PPID: variants seen among roughly 807,000 people sequenced by gnomAD.
The protein encoded by PPID is peptidyl-prolyl cis-trans isomerase D.
A neutral mutation model predicts 48.1 loss-of-function variants in PPID; 47 were observed. The ratio of observed to expected loss-of-function variants is 0.98; its 90% CI spans 0.77 to 1.25. The LOEUF is 1.25. Among genes scored for constraint, PPID ranks in the 50% most tolerant of loss-of-function variants. The pLI, the probability that PPID is intolerant of heterozygous loss-of-function variation, is 0.00. For missense variants in PPID, 429 were observed against 443.5 expected (o/e 0.97, Z 0.29); for synonymous variants, 163 against 148.8 (o/e 1.10, Z -0.69).
intron 6 of PPID, among the ~76,000 whole-genome samples, chr4:158,713,734 G>A (rs1006301956): frequency 6.6e-6 from 1 of 152,032 alleles, no homozygotes; most frequent in Non-Finnish European, 1.5e-5. Context: ...GGTCCTTGGA[G>A]AAACTGCCAT....
intron 4 of PPID, among the ~76,000 whole-genome samples, chr4:158,716,800 A>T (rs1460071169): frequency 6.6e-6 from 1 of 152,138 alleles, no homozygotes; most frequent in Non-Finnish European, 1.5e-5. Context: ...TCTATTAAAA[A>T]TACAGAAAAA....
At chr4:158,717,428 A>G (rs1223515975) in intron 3 of PPID, among the ~76,000 whole-genome samples, 1 of 152,224 alleles carries the variant, frequency 6.6e-6, no homozygotes, top group Non-Finnish European at 1.5e-5. Context: ...TAATCACTTT[A>G]AACTTTAAAA....
At chr4:158,717,328 A>G in intron 3 of PPID, 128 bp from the exon 4 acceptor site, 2 of 651,588 alleles carry the variant, frequency 3.1e-6, no homozygotes, top group Admixed American at 4.2e-5. Context: ...AGATCAAACT[A>G]CTTTTTTTTA....
At chr4:158,715,712 G>A in intron 4 of PPID, 28 bp from the exon 5 acceptor site, 1 of 1,590,210 alleles carries the variant, frequency 6.3e-7, no homozygotes. Context: ...AATTGTAGAA[G>A]TGCACTATCG....
chr4:158,710,738 T>C (rs768152344), intron 8 of PPID, 24 bp downstream of exon 8: 1 of 1,611,372 alleles, frequency 6.2e-7, no homozygotes, highest in African/African-American at 1.3e-5. Flanking sequence ...TTTTAAAAAA[T>C]TAAACATTTG....
chr4:158,714,102 A>C (rs533195669), intron 6 of PPID, among the ~76,000 whole-genome samples: 1 of 152,300 alleles, frequency 6.6e-6, no homozygotes, highest in Admixed American at 6.5e-5. Flanking sequence ...TGCAAACAGA[A>C]GAATGCTAGT....
intron 4 of PPID, 107 bp downstream of exon 4, chr4:158,716,905 G>T: frequency 1.8e-6 from 2 of 1,131,334 alleles, no homozygotes; most frequent in South Asian, 2.8e-5. Context: ...AGGCTGCAGT[G>T]AGCCGAGACC....
At position 158,710,292 on chromosome 4, in the gene PPID, G is replaced by A. The variant is rs1294822023; in HGVS notation, c.1024+336C>T. 2.0e-5 allele frequency: 8 copies of A among 408,408 alleles called. No homozygotes were observed. The East Asian group carries it at 4.0e-4, about 20-fold the overall frequency. 25.3% of individuals were successfully genotyped at this position (408,408 alleles called of 1,614,324 possible). A position where few individuals can be genotyped will look rare whatever the true frequency, so the allele number is the denominator to read the frequency against. On this transcript the variant is annotated intron_variant, in intron 9 of 9. Coordinates refer to ENST00000307720, the MANE Select transcript of PPID (RefSeq NM_005038.3). The stretch of plus-strand genomic sequence containing the variant: ...TGAATACTGTGTCTTACAATGCTGA[G>A]CTCTCGACTAGACTAACCAGAATAG...
intron 7 of PPID, among the ~76,000 whole-genome samples, chr4:158,711,667 G>C (rs924771075): frequency 6.6e-6 from 1 of 152,088 alleles, no homozygotes; most frequent in Non-Finnish European, 1.5e-5. Flanking sequence ...CTGCCTCACA[G>C]GTCAAAAAGA....
intron 1 of PPID, among the ~76,000 whole-genome samples, 192 bp from the exon 2 acceptor site, chr4:158,721,675 T>C (rs977319381): frequency 1.5e-4 from 23 of 152,302 alleles, no homozygotes; most frequent in African/African-American, 5.5e-4. Context: ...ATACAATAGA[T>C]CTCTTAAATT....
intron 6 of PPID, among the ~76,000 whole-genome samples, chr4:158,713,777 G>GAACATCTTGTGCAAAAA (rs17843939): frequency 0.3 from 45,096 of 151,952 alleles, 7,031 homozygotes; most frequent in African/African-American, 0.38. Flanking sequence ...GATGAGCTTA[G>GAACATCTTGTGCAAAAA]AGCAAGCAAG....
chr4:158,721,630 C>T lies in PPID; in HGVS notation c.86-147G>A. ...TTTTTCTTTTTTGCAATTTCAAGAA[C>T]ACAACACATTGCTACTAACTATAGT... On this transcript the variant is annotated intron_variant, in intron 1 of 9. Transcript: ENST00000307720. 5.0e-6 allele frequency: 4 copies of T among 795,496 alleles called. No individual in the cohort carries two copies. In the South Asian group the frequency reaches 5.6e-5, roughly 11 times the overall value. The allele number at this position is 795,496 out of a possible 1,614,324, so 49.3% of individuals were successfully genotyped here. A position where few individuals can be genotyped will look rare whatever the true frequency, so the allele number is the denominator to read the frequency against.
intron 2 of PPID, among the ~76,000 whole-genome samples, chr4:158,720,419 T>G (rs1205726681): frequency 6.6e-6 from 1 of 152,238 alleles, no homozygotes; most frequent in African/African-American, 2.4e-5. Context: ...TTGTGATTAT[T>G]GCTTATTTGC....
intron 7 of PPID, among the ~76,000 whole-genome samples, chr4:158,712,414 T>A (rs1255481416): frequency 6.6e-6 from 1 of 152,172 alleles, no homozygotes; most frequent in East Asian, 1.9e-4. Flanking sequence ...CTCTGTTAGG[T>A]GCTTAAAATG....
At position 158,715,347 on chromosome 4, in the gene PPID, GAAAA is replaced by G; in HGVS notation, c.698_701del (p.Phe233SerfsTer17). On this transcript the variant is annotated frameshift_variant, in exon 6 of 10. Coordinates refer to ENST00000307720, the MANE Select transcript of PPID (RefSeq NM_005038.3). LOFTEE classifies it high-confidence loss of function. ...TAGCCATCTCCCAGTTCTGGGATTT[GAAAA>G]AAGTATTTCCAATGTTTTTTAAGTC... 1 of 1,541,140 alleles carries G rather than the reference GAAAA, an allele frequency of 6.5e-7. No homozygotes were observed.
At chr4:158,716,253 C>T (rs1273515454) in intron 4 of PPID, among the ~76,000 whole-genome samples, 3 of 152,008 alleles carry the variant, frequency 2.0e-5, no homozygotes, top group Non-Finnish European at 4.4e-5. Context: ...GATTCACAGA[C>T]ATTAAGTACA....
intron 9 of PPID, chr4:158,710,116 T>C (rs1250528535): frequency 2.4e-6 from 1 of 414,164 alleles, no homozygotes; most frequent in Non-Finnish European, 4.3e-6. Context: ...AGACATTTTG[T>C]AATACCCAGA....
rs958686023 is a variant in PPID at position 158,719,183 on chromosome 4, G to C, written c.330C>G (p.Tyr110Ter). The part of the protein sequence containing the change: ...GEKFEDENFH[Y>*]KHDREGLLSM... ...ACATGCATTTTCTCTACTTTACCTT[G>C]TAATGGAAATTTTCATCTTCAAATT... is the stretch of plus-strand genomic sequence containing the variant. The change falls in exon 3 of 10, where the codon TAC becomes TAG. Residue 110 changes from tyrosine to a stop codon, truncating the protein, a stop_gained. Coordinates refer to ENST00000307720, the MANE Select transcript of PPID (RefSeq NM_005038.3). LOFTEE classifies it high-confidence loss of function. 1.9e-6 allele frequency: 3 copies of C among 1,566,718 alleles called. No individual in the cohort carries two copies. In the African/African-American group the frequency reaches 4.1e-5, roughly 21 times the overall value.
intron 7 of PPID, among the ~76,000 whole-genome samples, chr4:158,711,745 A>T (rs1356732046): frequency 6.6e-6 from 1 of 152,000 alleles, no homozygotes; most frequent in Non-Finnish European, 1.5e-5. Flanking sequence ...GCGGGTGGAC[A>T]GCTTGAGCCC....
Sources: allele counts gnomAD v4.1 joint callset (sites outside exome capture counted in the v4.1 genomes callset), GRCh38; gene constraint gnomAD v4.1.1; transcripts MANE v1.5; gene names NCBI Gene and HGNC (gene_info 2026-07-23, HGNC 2026-07-21).